The following B3GALT1 variants were observed in gnomAD, a reference collection of about 807,000 sequenced individuals.
The protein encoded by B3GALT1 is UDP-Gal:betaGlcNAc beta 1,3-galactosyltransferase, polypeptide 1.
Under a neutral mutation model 23.2 loss-of-function variants are expected in B3GALT1, and 10 were observed. The ratio of observed to expected loss-of-function variants is 0.43; its 90% confidence interval spans 0.27 to 0.73. The LOEUF is 0.73. B3GALT1 is among the 30% of genes least tolerant of loss of function. B3GALT1 has a pLI of 0.21. For missense variants in B3GALT1, 299 were observed against 405.4 expected (o/e 0.74, Z 2.25); for synonymous variants, 156 against 141.5 (o/e 1.10, Z -0.73).
intron 1 of B3GALT1, among the ~76,000 whole-genome samples, chr2:167,475,105 C>T (rs1699470541): frequency 6.6e-6 from 1 of 152,172 alleles, no homozygotes; most frequent in Non-Finnish European, 1.5e-5. Flanking sequence ...TACCTATGGT[C>T]AGCTGCAGTC....
chr2:167,619,413 T>C (rs1375339358), intron 2 of B3GALT1, among the ~76,000 whole-genome samples: 5 of 152,076 alleles, frequency 3.3e-5, no homozygotes, highest in Non-Finnish European at 7.4e-5. Flanking sequence ...ATACTAGAAT[T>C]AAACTGCATG....
intron 3 of B3GALT1, among the ~76,000 whole-genome samples, chr2:167,700,969 C>T (rs1403646122): frequency 1.3e-5 from 2 of 152,128 alleles, no homozygotes; most frequent in Non-Finnish European, 2.9e-5. Context: ...TAACACCTGC[C>T]CTCGTAATAA....
intron 2 of B3GALT1, among the ~76,000 whole-genome samples, chr2:167,494,645 G>A (rs1157001750): frequency 6.6e-6 from 1 of 152,104 alleles, no homozygotes; most frequent in Admixed American, 6.6e-5. Flanking sequence ...AAAATCAAAT[G>A]TTAGGTTTTA....
At chr2:167,361,660 G>T (rs1158213453) in intron 1 of B3GALT1, among the ~76,000 whole-genome samples, 1 of 152,156 alleles carries the variant, frequency 6.6e-6, no homozygotes, top group African/African-American at 2.4e-5. Flanking sequence ...AGCATTCTGG[G>T]TGACGGTTCA....
chr2:167,399,855 G>C lies in B3GALT1; in HGVS notation c.-510-90322G>C, dbSNP rs1012335811. ...CTTGTTTTTACCCTCATTTTGCTAG[G>C]GTATATCCTTAAGTTGCTTTCTCAG... On this transcript the variant is annotated intron_variant, in intron 1 of 4. Transcript: ENST00000392690. Among the ~76,000 whole-genome samples the C allele has an allele frequency of 5.9e-5, 9 of 151,616 alleles. 1 individual carries two copies. The highest frequency in any genetic ancestry group is 1.7e-4 in the African/African-American group (7 of 41,262).
intron 2 of B3GALT1, among the ~76,000 whole-genome samples, chr2:167,530,193 A>C (rs1051562891): frequency 2.0e-5 from 3 of 152,158 alleles, no homozygotes; most frequent in Non-Finnish European, 2.9e-5. Context: ...CTCTGTCCAA[A>C]TGTTCTCCTC....
chr2:167,708,384 G>C (rs1686995850), intron 3 of B3GALT1, among the ~76,000 whole-genome samples: 1 of 152,238 alleles, frequency 6.6e-6, no homozygotes, highest in Non-Finnish European at 1.5e-5. Context: ...AGTCAGGCCA[G>C]GTGCGGTAGC....
intron 1 of B3GALT1, among the ~76,000 whole-genome samples, chr2:167,461,693 A>G (rs1219554509): frequency 1.3e-5 from 2 of 152,188 alleles, no homozygotes; most frequent in African/African-American, 2.4e-5. Context: ...TTCCTTGAGT[A>G]TATTTTAAAT....
At chr2:167,662,361 C>A in intron 3 of B3GALT1, among the ~76,000 whole-genome samples, 1 of 152,016 alleles carries the variant, frequency 6.6e-6, no homozygotes. Context: ...AGTTTCACAG[C>A]AAAATTGAGA....
At chr2:167,652,292 C>G (rs143902832) in intron 3 of B3GALT1, among the ~76,000 whole-genome samples, 1 of 152,266 alleles carries the variant, frequency 6.6e-6, no homozygotes, top group East Asian at 1.9e-4. Flanking sequence ...CAAAGGCAGA[C>G]AAGCTTGTTC....
At chr2:167,765,935 C>T (rs1048984954) in intron 3 of B3GALT1, among the ~76,000 whole-genome samples, 1 of 152,204 alleles carries the variant, frequency 6.6e-6, no homozygotes, top group African/African-American at 2.4e-5. Flanking sequence ...TATTAATACA[C>T]TATTTGAGAG....
At chr2:167,825,079 A>G (rs1037330564) in intron 4 of B3GALT1, among the ~76,000 whole-genome samples, 5 of 151,966 alleles carry the variant, frequency 3.3e-5, no homozygotes, top group African/African-American at 9.7e-5. Flanking sequence ...AGGTCAGGAG[A>G]TCGAGACCAT....
intron 1 of B3GALT1, among the ~76,000 whole-genome samples, chr2:167,454,190 C>T (rs985595801): frequency 2.0e-5 from 3 of 149,094 alleles, no homozygotes; most frequent in Admixed American, 6.7e-5. Flanking sequence ...GTAGGTATAA[C>T]AGGAAAGTGT....
intron 1 of B3GALT1, among the ~76,000 whole-genome samples, chr2:167,393,671 A>ATATACTTCTTTACTGTG (rs200189964): frequency 0.032 from 4,920 of 152,282 alleles, 254 homozygotes; most frequent in African/African-American, 0.11. Context: ...GTTTTCAATA[A>ATATACTTCTTTACTGTG]TAACCTTTTG....
At chr2:167,725,115 C>T (rs936082850) in intron 3 of B3GALT1, among the ~76,000 whole-genome samples, 2 of 152,180 alleles carry the variant, frequency 1.3e-5, no homozygotes, top group Admixed American at 1.3e-4. Context: ...TTTTAGCCCA[C>T]AGCTCGCTCC....
At chr2:167,490,602 A>G (rs1211394093) in intron 2 of B3GALT1, among the ~76,000 whole-genome samples, 1 of 152,200 alleles carries the variant, frequency 6.6e-6, no homozygotes, top group African/African-American at 2.4e-5. Context: ...GGAAAATGGT[A>G]ATATTCCTAG....
chr2:167,590,294 T>A (rs560190909), intron 2 of B3GALT1, among the ~76,000 whole-genome samples: 299 of 141,912 alleles, frequency 2.1e-3, no homozygotes, highest in African/African-American at 7.2e-3. Context: ...TGCAGTGCGC[T>A]GAGATCGTGC....
rs575514578 is a variant in B3GALT1, at chr2:167,867,213, A to C, written c.-229-1598A>C. On this transcript the variant is annotated intron_variant, in intron 4 of 4. Transcript: ENST00000392690. Reference sequence around the variant, plus strand: ...AGTGCTGGGATTACAGGCGTGAGCCACCGCGCCCGGCCGAGAAGCTCTTTT... The same window carrying C: ...AGTGCTGGGATTACAGGCGTGAGCCCCCGCGCCCGGCCGAGAAGCTCTTTT... Among the ~76,000 whole-genome samples the C allele has an allele frequency of 1.5e-4, 23 of 152,248 alleles. 1 individual carries two copies. In the South Asian group the frequency reaches 2.9e-3, roughly 19 times the overall value.
At chr2:167,592,938 C>T (rs930491720) in intron 2 of B3GALT1, among the ~76,000 whole-genome samples, 2 of 152,104 alleles carry the variant, frequency 1.3e-5, no homozygotes, top group East Asian at 3.9e-4. Flanking sequence ...CAGTGTCATG[C>T]GTAATAAATG....
Sources: allele counts gnomAD v4.1 joint callset (sites outside exome capture counted in the v4.1 genomes callset), GRCh38; gene constraint gnomAD v4.1.1; transcripts MANE v1.5; gene names NCBI Gene and HGNC (gene_info 2026-07-23, HGNC 2026-07-21).